Variants in SH3BGRL2 observed in about 807,000 individuals in gnomAD.
SH3BGRL2 encodes the protein SH3 domain binding glutamate rich protein like 2.
SH3BGRL2 carries 21 observed loss-of-function variants against 14.8 expected under a neutral mutation model. The observed-to-expected ratio is 1.42, with a 90% CI of 1.01 to 2.05. SH3BGRL2 has a LOEUF of 2.05. Among genes scored for constraint, SH3BGRL2 ranks in the 30% most tolerant of loss-of-function variants. The probability of loss-of-function intolerance (pLI) is 0.00; values close to 1 mark genes in which losing one functional copy is unlikely to be tolerated. For missense variants in SH3BGRL2, 147 were observed against 130.8 expected (o/e 1.12, Z -0.61); for synonymous variants, 50 against 47.8 (o/e 1.05, Z -0.19).
chr6:79,663,103 A>G (rs756456528), intron 1 of SH3BGRL2, among the ~76,000 whole-genome samples: 1 of 152,164 alleles, frequency 6.6e-6, no homozygotes, highest in Non-Finnish European at 1.5e-5. Context: ...ATGCTTCTTC[A>G]GCTCAGAGAA....
chr6:79,572,711 C>T, the SH3BGRL2 span, among the ~76,000 whole-genome samples: 50 of 152,228 alleles, frequency 3.3e-4, no homozygotes, highest in African/African-American at 1.2e-3. Flanking sequence ...GTGATCCGCC[C>T]GCCTTGGCCT....
At chr6:79,589,057 T>G in the SH3BGRL2 span, among the ~76,000 whole-genome samples, 2 of 152,250 alleles carry the variant, frequency 1.3e-5, no homozygotes, top group South Asian at 4.1e-4. Context: ...TAACCTATAC[T>G]TTAAATCATC....
At chr6:79,620,705 G>T in the SH3BGRL2 span, among the ~76,000 whole-genome samples, 3 of 151,956 alleles carry the variant, frequency 2.0e-5, no homozygotes, top group Non-Finnish European at 4.4e-5. Flanking sequence ...TGGGGAAGAG[G>T]GAGAGAAGAG....
chr6:79,614,698 C>T, the SH3BGRL2 span, among the ~76,000 whole-genome samples: 1 of 152,076 alleles, frequency 6.6e-6, no homozygotes, highest in Non-Finnish European at 1.5e-5. Context: ...CTAGTATTGG[C>T]GTAGAAAAGC....
At chr6:79,580,235 A>G in the SH3BGRL2 span, among the ~76,000 whole-genome samples, 1 of 152,136 alleles carries the variant, frequency 6.6e-6, no homozygotes, top group Non-Finnish European at 1.5e-5. Context: ...TAGATCAAAG[A>G]GACAGAATAT....
At chr6:79,669,336 G>A (rs1001926628) in intron 1 of SH3BGRL2, among the ~76,000 whole-genome samples, 1 of 152,042 alleles carries the variant, frequency 6.6e-6, no homozygotes, top group Non-Finnish European at 1.5e-5. Context: ...CCCTGTTGTT[G>A]GTTGGGAGGA....
chr6:79,571,853 T>C, the SH3BGRL2 span, among the ~76,000 whole-genome samples: 1 of 152,236 alleles, frequency 6.6e-6, no homozygotes, highest in African/African-American at 2.4e-5. Flanking sequence ...TTTCTCAGCA[T>C]TATGTTTGTG....
chr6:79,636,720 G>T (rs1372008361), intron 1 of SH3BGRL2, among the ~76,000 whole-genome samples: 2 of 152,128 alleles, frequency 1.3e-5, no homozygotes, highest in Non-Finnish European at 2.9e-5. Flanking sequence ...AGTTTCTGGT[G>T]GTTTGCTGGC....
the SH3BGRL2 span, among the ~76,000 whole-genome samples, chr6:79,576,150 T>C: frequency 5.8e-3 from 888 of 152,280 alleles, 12 homozygotes; most frequent in African/African-American, 0.02. Context: ...TTGTCCTGCC[T>C]TGTGATTACA....
the SH3BGRL2 span, among the ~76,000 whole-genome samples, chr6:79,590,424 G>GATAGATATATAT: frequency 1.5e-5 from 1 of 66,684 alleles, no homozygotes; most frequent in South Asian, 5.7e-4. Flanking sequence ...AAGAAAATGT[G>GATAGATATATAT]ATATATATAT....
chr6:79,596,809 G>A, the SH3BGRL2 span, among the ~76,000 whole-genome samples: 7 of 152,050 alleles, frequency 4.6e-5, no homozygotes, highest in African/African-American at 1.4e-4. Flanking sequence ...AAAGGACCTT[G>A]GATAGTCAGA....
intron 1 of SH3BGRL2, among the ~76,000 whole-genome samples, chr6:79,661,976 T>G (rs1769559450): frequency 1.3e-5 from 2 of 152,284 alleles, no homozygotes; most frequent in East Asian, 3.9e-4. Context: ...ATTTTTTATT[T>G]TTTTTGCTTT....
chr6:79,620,230 G>T, the SH3BGRL2 span, among the ~76,000 whole-genome samples: 158 of 152,030 alleles, frequency 1.0e-3, no homozygotes, highest in African/African-American at 3.6e-3. Context: ...CTTTTACAAA[G>T]CTCATTTTTT....
chr6:79,650,153 AT>A (rs1419371904), intron 1 of SH3BGRL2, among the ~76,000 whole-genome samples: 1 of 152,140 alleles, frequency 6.6e-6, no homozygotes, highest in Non-Finnish European at 1.5e-5. Context: ...CAAGTTGGAC[AT>A]TCTTCTATTT....
chr6:79,556,736 T>C, the SH3BGRL2 span, among the ~76,000 whole-genome samples: 4 of 151,998 alleles, frequency 2.6e-5, no homozygotes, highest in South Asian at 8.3e-4. Flanking sequence ...AATGAAGATA[T>C]CCTGAGTAGT....
chr6:79,693,119 A>G (rs1453209789), intron 2 of SH3BGRL2, among the ~76,000 whole-genome samples: 1 of 152,048 alleles, frequency 6.6e-6, no homozygotes, highest in Non-Finnish European at 1.5e-5. Context: ...CTTTGAAGCA[A>G]TTGTGAATGG....
At chr6:79,680,247 A>G (rs2127735274) in intron 2 of SH3BGRL2, among the ~76,000 whole-genome samples, 1 of 152,260 alleles carries the variant, frequency 6.6e-6, no homozygotes, top group East Asian at 1.9e-4. Flanking sequence ...ATCCGTTTCA[A>G]GTTAGCTTTT....
At chr6:79,691,653 G>A (rs1331266547) in intron 2 of SH3BGRL2, among the ~76,000 whole-genome samples, 8 of 150,850 alleles carry the variant, frequency 5.3e-5, no homozygotes, top group Non-Finnish European at 1.2e-4. Flanking sequence ...ATGGTTTCCA[G>A]TTTCATCCAT....
At chr6:79,662,313 C>A (rs1207946265) in intron 1 of SH3BGRL2, among the ~76,000 whole-genome samples, 1 of 152,050 alleles carries the variant, frequency 6.6e-6, no homozygotes, top group Non-Finnish European at 1.5e-5. Context: ...TTAGTGCTTC[C>A]TTTAGGAGCT....
Sources: allele counts gnomAD v4.1 joint callset (sites outside exome capture counted in the v4.1 genomes callset), GRCh38; gene constraint gnomAD v4.1.1; transcripts MANE v1.5; gene names NCBI Gene and HGNC (gene_info 2026-07-23, HGNC 2026-07-21).